OARD1: variants seen among roughly 807,000 people sequenced by gnomAD.
OARD1 encodes O-acyl-ADP-ribose deacylase 1.
A neutral mutation model predicts 19.7 loss-of-function variants in OARD1; 19 were observed. The ratio of observed to expected loss-of-function variants is 0.96; its 90% CI spans 0.67 to 1.41. OARD1 has a LOEUF of 1.41. Ranked by LOEUF, OARD1 falls within the 40% of genes most tolerant of loss-of-function variation. The pLI is 0.00. For synonymous variants in OARD1, 70 were observed against 61.8 expected, an observed-to-expected ratio of 1.13 and a Z score of -0.62; for missense variants, 190 against 183.8, an observed-to-expected ratio of 1.03 and a Z score of -0.20.
rs1388800194 is a variant in OARD1, at chr6:41,067,448, C to G, written c.357-11G>C. 5.7e-6 allele frequency: 9 copies of G among 1,570,088 alleles called. No homozygotes were observed. Among genetic ancestry groups the G allele is most frequent in the Non-Finnish European group, 7.0e-6 (8 of 1,140,530 alleles). On this transcript the variant is annotated splice_polypyrimidine_tract_variant and intron_variant, in intron 5 of 5. Coordinates refer to ENST00000424266, the MANE Select transcript of OARD1 (RefSeq NM_001329686.2). ...AGACCACATCCAATCCTGAAAAAGA[C>G]AAAATATCTCCATTGATGGTAACGA... is the stretch of plus-strand genomic sequence containing the variant.
At chr6:41,097,511 T>G in intron 1 of OARD1, 1 of 1,257,294 alleles carries the variant, frequency 8.0e-7, no homozygotes, top group Non-Finnish European at 1.1e-6. Context: ...ATTCTGCCCT[T>G]TACTACAGGA....
chr6:41,073,419 CCACGAATGGCCCTACACTAGGGGA>C (rs1416453495), upstream of OARD1, among the ~76,000 whole-genome samples: 5 of 151,918 alleles, frequency 3.3e-5, no homozygotes, highest in Non-Finnish European at 5.9e-5. Context: ...AGGCCTGGGG[CCACGAATGGCCCTACACTAGGGGA>C]CACATGCGCG....
chr6:41,066,884 C>G lies in OARD1; in HGVS notation c.*451G>C, dbSNP rs1763033779. On this transcript the variant is annotated 3_prime_UTR_variant, in exon 6 of 6. Coordinates refer to ENST00000424266, the MANE Select transcript of OARD1 (RefSeq NM_001329686.2). ...ATTTTGTAATTAAAACAAAAACTCT[C>G]CCCTAGGAGGAATCTGATGACATAA... 6.6e-6 allele frequency: 1 copy of G among 152,400 alleles called. No individual in the cohort carries two copies. The highest frequency in any genetic ancestry group is 1.9e-4 in the East Asian group (1 of 5,202). 9.4% of individuals were successfully genotyped at this position (152,400 alleles called of 1,614,324 possible).
At chr6:41,070,946 A>T (rs998119716) in intron 3 of OARD1, 186 bp downstream of exon 3, 3 of 632,912 alleles carry the variant, frequency 4.7e-6, no homozygotes, top group African/African-American at 3.7e-5. Flanking sequence ...AAGAGATTAA[A>T]AACCTTCACA....
intron 1 of OARD1, among the ~76,000 whole-genome samples, chr6:41,072,010 G>T (rs986101678): frequency 2.0e-5 from 3 of 152,226 alleles, no homozygotes; most frequent in African/African-American, 7.2e-5. Context: ...TTCTCTGCAC[G>T]ACGCAAAAGT....
At chr6:41,093,510 A>G (rs1322106524) in intron 1 of OARD1, among the ~76,000 whole-genome samples, 1 of 150,618 alleles carries the variant, frequency 6.6e-6, no homozygotes, top group East Asian at 2.0e-4. Flanking sequence ...TTGCTCTGTC[A>G]TCCAGGCCGG....
At chr6:41,067,579 A>G (rs1695962461) in intron 5 of OARD1, 142 bp from the exon 6 acceptor site, 4 of 583,792 alleles carry the variant, frequency 6.9e-6, no homozygotes, top group Non-Finnish European at 1.2e-5. Flanking sequence ...AGGAGTTTGG[A>G]AGTCAATTCT....
At chr6:41,084,822 C>G (rs148084770) in intron 1 of OARD1, among the ~76,000 whole-genome samples, 2,955 of 152,228 alleles carry the variant, frequency 0.019, 89 homozygotes, top group African/African-American at 0.068. Context: ...ATTAGCCGGG[C>G]GTGGTGGCAC....
chr6:41,096,067 T>C (rs1764348506), intron 1 of OARD1, among the ~76,000 whole-genome samples: 1 of 152,218 alleles, frequency 6.6e-6, no homozygotes, highest in Non-Finnish European at 1.5e-5. Flanking sequence ...TATATAGTAC[T>C]TATACAGTAC....
Position 41,068,799 on chromosome 6 carries a change from CCAAT to C in OARD1, c.356+38_356+41del, listed in dbSNP as rs760447287. 3.8e-6 allele frequency: 4 copies of C among 1,057,462 alleles called. No homozygotes were observed. The African/African-American group carries it at 4.9e-5, about 13-fold the overall frequency. The allele number at this position is 1,057,462 out of a possible 1,614,324, so 65.5% of individuals were successfully genotyped here. ...TCTTTGGGTAAGATAGTAAACCCCACCAATCAATTAAATCTCCATTTAGGACCAT... is the reference window on the plus strand; with the variant it reads ...TCTTTGGGTAAGATAGTAAACCCCACCAATTAAATCTCCATTTAGGACCAT... On this transcript the variant is annotated intron_variant, in intron 5 of 5. Coordinates refer to ENST00000424266, the MANE Select transcript of OARD1 (RefSeq NM_001329686.2).
chr6:41,094,724 G>A (rs1305495421), intron 1 of OARD1, among the ~76,000 whole-genome samples: 1 of 152,072 alleles, frequency 6.6e-6, no homozygotes, highest in Non-Finnish European at 1.5e-5. Context: ...GAGGTGGGAA[G>A]CCCAGGATTT....
chr6:41,070,026 A>C, intron 4 of OARD1, 50 bp downstream of exon 4: 1 of 1,043,070 alleles, frequency 9.6e-7, no homozygotes, highest in East Asian at 2.4e-5. Flanking sequence ...AAATCCTTAA[A>C]ATGTATTAAG....
upstream of OARD1, among the ~76,000 whole-genome samples, chr6:41,073,553 G>C (rs1181233877): frequency 2.0e-5 from 3 of 152,008 alleles, no homozygotes; most frequent in Non-Finnish European, 4.4e-5. Flanking sequence ...AAGCCTCCCC[G>C]GGGCCCGCGC....
intron 1 of OARD1, among the ~76,000 whole-genome samples, chr6:41,088,283 C>G (rs892767285): frequency 6.6e-6 from 1 of 151,508 alleles, no homozygotes; most frequent in Non-Finnish European, 1.5e-5. Flanking sequence ...TTAAGCCAGG[C>G]GTGATGGCGG....
In OARD1 at chr6:41,068,840, C is replaced by G. The variant is rs149376070; in HGVS notation, c.356+1G>C. 2.0e-5 allele frequency: 30 copies of G among 1,497,338 alleles called. No homozygotes were observed. Among genetic ancestry groups the G allele is most frequent in the African/African-American group, 2.8e-5 (2 of 71,528 alleles). 92.8% of individuals were successfully genotyped at this position (1,497,338 alleles called of 1,614,324 possible). A position where few individuals can be genotyped will look rare whatever the true frequency, so the allele number is the denominator to read the frequency against. On this transcript the variant is annotated splice_donor_variant, in intron 5 of 5. Transcript: ENST00000424266. LOFTEE classifies it high-confidence loss of function. Reference sequence around the variant, plus strand: ...CCATTTAGGACCATGGATTTCCTTGCCTGGGCATGGAGAGGTCAGTGACTC... The same window carrying G: ...CCATTTAGGACCATGGATTTCCTTGGCTGGGCATGGAGAGGTCAGTGACTC...
At chr6:41,094,156 A>AT (rs977257870) in intron 1 of OARD1, among the ~76,000 whole-genome samples, 45 of 152,158 alleles carry the variant, frequency 3.0e-4, no homozygotes, top group African/African-American at 9.6e-4. Context: ...GTAGTCTGTT[A>AT]TTTTTTTTAA....
rs1317101744 is a variant in OARD1 at position 41,065,058 on chromosome 6, C to CA, written c.*2276dup. The CA allele has an allele frequency of 1.3e-5, 2 of 152,042 alleles. No individual in the cohort carries two copies. The highest frequency in any genetic ancestry group is 4.8e-5 in the African/African-American group (2 of 41,378). 9.4% of individuals were successfully genotyped at this position (152,042 alleles called of 1,614,324 possible). On this transcript the variant is annotated 3_prime_UTR_variant, in exon 6 of 6. Transcript: ENST00000424266. ...GGGCATGCCTCCTTTCCTCAGGCTT[C>CA]AAGTGTGATAAGTCGTCGGAATTTG...
chr6:41,072,428 C>G (rs1248666414), upstream of OARD1: 1 of 152,332 alleles, frequency 6.6e-6, no homozygotes, highest in Admixed American at 6.5e-5. Flanking sequence ...CCAGCCCAAA[C>G]GCGGAGCCAA....
At chr6:41,079,359 A>G (rs1456000781) in intron 1 of OARD1, among the ~76,000 whole-genome samples, 2 of 152,220 alleles carry the variant, frequency 1.3e-5, no homozygotes, top group Non-Finnish European at 2.9e-5. Context: ...GTGCCTGGTT[A>G]TAGTAAATTG....
Sources: gnomAD v4.1 joint callset for allele counts (sites outside exome capture counted in the v4.1 genomes callset) on GRCh38, gnomAD v4.1.1 for gene constraint, MANE v1.5 for transcripts, NCBI Gene and HGNC (gene_info 2026-07-23, HGNC 2026-07-21) for gene names.